Variants in PIGU observed in about 807,000 individuals in gnomAD.
PIGU encodes phosphatidylinositol glycan anchor biosynthesis class U.
A neutral mutation model predicts 49.9 loss-of-function variants in PIGU; 24 were observed. The observed-to-expected ratio is 0.48, with a 90% CI of 0.35 to 0.68. The LOEUF (loss-of-function observed/expected upper bound fraction) is 0.68. Ranked by LOEUF, PIGU falls within the 30% of genes least tolerant of loss-of-function variation. The pLI, the probability that PIGU is intolerant of heterozygous loss-of-function variation, is 0.01. For missense variants in PIGU, 490 were observed against 532.6 expected (o/e 0.92, Z 0.79); for synonymous variants, 220 against 205.7 (o/e 1.07, Z -0.59).
intron 11 of PIGU, among the ~76,000 whole-genome samples, chr20:34,573,480 G>T (rs1340758243): frequency 1.3e-5 from 2 of 152,212 alleles, no homozygotes; most frequent in Non-Finnish European, 2.9e-5. Context: ...TATCTGGCAA[G>T]TTCCATGGAT....
intron 11 of PIGU, among the ~76,000 whole-genome samples, chr20:34,567,802 CCT>C (rs11467880): frequency 0.44 from 63,920 of 144,250 alleles, 14,260 homozygotes; most frequent in Non-Finnish European, 0.49. Flanking sequence ...CCTCCTTCCT[CCT>C]CTCTCTCTCT....
chr20:34,613,604 A>G lies in PIGU; in HGVS notation c.627+2438T>C, dbSNP rs535375987. Among the ~76,000 whole-genome samples the G allele has an allele frequency of 3.3e-5, 5 of 152,302 alleles. No homozygotes were observed. The East Asian group carries it at 9.6e-4, about 29-fold the overall frequency. On this transcript the variant is annotated intron_variant, in intron 7 of 11. Transcript: ENST00000217446. ...TGTGTATGAATATACTATATTATTT[A>G]TTTGATACATAGTTGTATAAAAAGT...
At chr20:34,667,005 G>T in intron 1 of PIGU, among the ~76,000 whole-genome samples, 1 of 152,026 alleles carries the variant, frequency 6.6e-6, no homozygotes, top group South Asian at 2.1e-4. Flanking sequence ...GCCAGCACCT[G>T]ACTAATTCTT....
intron 2 of PIGU, among the ~76,000 whole-genome samples, chr20:34,647,343 C>T (rs1389206787): frequency 1.3e-5 from 2 of 150,886 alleles, no homozygotes; most frequent in Admixed American, 6.6e-5. Flanking sequence ...CTCACTGTAA[C>T]CTCCACCTCC....
intron 5 of PIGU, among the ~76,000 whole-genome samples, chr20:34,635,021 G>T (rs1985914481): frequency 6.6e-6 from 1 of 152,172 alleles, no homozygotes; most frequent in South Asian, 2.1e-4. Context: ...ATTTGCAGGT[G>T]ACATTCAAGA....
At chr20:34,594,264 T>C (rs137981789) in intron 7 of PIGU, among the ~76,000 whole-genome samples, 1 of 152,268 alleles carries the variant, frequency 6.6e-6, no homozygotes, top group Non-Finnish European at 1.5e-5. Flanking sequence ...TCCAACAATA[T>C]GAAAATAAGT....
chr20:34,562,628 G>T, intron 11 of PIGU: 1 of 1,228,694 alleles, frequency 8.1e-7, no homozygotes. Context: ...AGGGTTCAAT[G>T]GTTGGCCTAA....
At chr20:34,672,391 A>AACAGCAT (rs1987335179) in intron 1 of PIGU, among the ~76,000 whole-genome samples, 1 of 152,120 alleles carries the variant, frequency 6.6e-6, no homozygotes, top group Non-Finnish European at 1.5e-5. Context: ...ACAGCACCCT[A>AACAGCAT]ATTTTTCCTA....
chr20:34,599,126 C>T (rs1248531737), intron 7 of PIGU, among the ~76,000 whole-genome samples: 2 of 152,290 alleles, frequency 1.3e-5, no homozygotes, highest in African/African-American at 4.8e-5. Flanking sequence ...ACTTCTAATA[C>T]TCATTTTGTT....
At chr20:34,644,109 A>G in intron 4 of PIGU, 55 bp downstream of exon 4, 1 of 1,454,616 alleles carries the variant, frequency 6.9e-7, no homozygotes, top group Non-Finnish European at 9.6e-7. Context: ...TGTAATAACA[A>G]AGACCAGAAG....
chr20:34,639,783 T>C (rs927324938), intron 4 of PIGU, among the ~76,000 whole-genome samples: 2 of 152,188 alleles, frequency 1.3e-5, no homozygotes, highest in African/African-American at 4.8e-5. Flanking sequence ...CTTCTCACAG[T>C]TGGCAGAGTC....
At chr20:34,676,925 C>T (rs1349853931) in intron 1 of PIGU, 31 bp downstream of exon 1, 19 of 1,557,688 alleles carry the variant, frequency 1.2e-5, no homozygotes, top group Non-Finnish European at 1.6e-5. Flanking sequence ...GCAGGTGGGG[C>T]CTGACAGTCT....
intron 2 of PIGU, among the ~76,000 whole-genome samples, chr20:34,651,369 TC>T (rs1430521972): frequency 6.6e-6 from 1 of 152,218 alleles, no homozygotes; most frequent in Non-Finnish European, 1.5e-5. Flanking sequence ...CAATTTCTGT[TC>T]TGCTTCTCCA....
At position 34,662,720 on chromosome 20, in the gene PIGU, TAATTATTTGA is replaced by T. The variant is rs1986967072; in HGVS notation, c.131-5486_131-5477del. Among the ~76,000 whole-genome samples the T allele has an allele frequency of 2.0e-5, 3 of 152,310 alleles. No individual in the cohort carries two copies. The East Asian group carries it at 5.8e-4, about 29-fold the overall frequency. On this transcript the variant is annotated intron_variant, in intron 1 of 11. Coordinates refer to ENST00000217446, the MANE Select transcript of PIGU (RefSeq NM_080476.5). ...TCTTAAACTTTTATAAGCATTCATTTAATTATTTGAAAGAGAGAGAATGAACATGTACTCA... is the reference window on the plus strand; with the variant it reads ...TCTTAAACTTTTATAAGCATTCATTTAAGAGAGAGAATGAACATGTACTCA...
At chr20:34,672,188 G>A (rs976437097) in intron 1 of PIGU, among the ~76,000 whole-genome samples, 4 of 151,820 alleles carry the variant, frequency 2.6e-5, no homozygotes, top group African/African-American at 7.3e-5. Context: ...TGATCCTCCC[G>A]CCTCGGCCTC....
intron 2 of PIGU, among the ~76,000 whole-genome samples, chr20:34,647,088 C>T (rs796181235): frequency 3.3e-5 from 5 of 152,176 alleles, no homozygotes; most frequent in South Asian, 2.1e-4. Flanking sequence ...TCGCAACCTC[C>T]GCCTCCCGGG....
chr20:34,668,783 A>G (rs1318336554), intron 1 of PIGU, among the ~76,000 whole-genome samples: 1 of 151,354 alleles, frequency 6.6e-6, no homozygotes, highest in Non-Finnish European at 1.5e-5. Flanking sequence ...AAATAAATAA[A>G]TAAATAAATA....
rs150101643 is a variant in PIGU at position 34,567,621 on chromosome 20, G to A, written c.1195-6642C>T. 3.8e-3 allele frequency among the ~76,000 whole-genome samples: 577 copies of A among 152,156 alleles called. 5 individuals are homozygous for A. The highest frequency in any genetic ancestry group is 0.011 in the African/African-American group (444 of 41,496). The stretch of plus-strand genomic sequence containing the variant: ...AGTGAGGTTTTCAGAGCATGGATCT[G>A]ATCACATTTATCCTCAGCTCTTAAA... On this transcript the variant is annotated intron_variant, in intron 11 of 11. Transcript: ENST00000217446.
At chr20:34,646,020 C>T (rs1001177644) in intron 2 of PIGU, among the ~76,000 whole-genome samples, 1 of 152,092 alleles carries the variant, frequency 6.6e-6, no homozygotes, top group African/African-American at 2.4e-5. Context: ...ATTGCTGATT[C>T]CATTTCACTC....
Sources: allele counts gnomAD v4.1 joint callset (sites outside exome capture counted in the v4.1 genomes callset), GRCh38; gene constraint gnomAD v4.1.1; transcripts MANE v1.5; gene names NCBI Gene and HGNC (gene_info 2026-07-23, HGNC 2026-07-21).